The following SLC24A2 variants were observed in gnomAD, a reference collection of about 807,000 sequenced individuals.
SLC24A2 encodes solute carrier family 24 member 2, also known as sodium/potassium/calcium exchanger 2.
Under a neutral mutation model 62.0 loss-of-function variants are expected in SLC24A2, and 36 were observed. The ratio of observed to expected loss-of-function variants is 0.58; its 90% CI spans 0.44 to 0.77. SLC24A2 has a LOEUF of 0.77. SLC24A2 is among the 30% of genes least tolerant of loss of function. SLC24A2 has a pLI of 0.00. For synonymous variants in SLC24A2, 358 were observed against 294.0 expected (o/e 1.22, Z -2.23); for missense variants, 846 against 817.9 (o/e 1.03, Z -0.42).
chr9:20,066,911 T>G, the SLC24A2 span, among the ~76,000 whole-genome samples: 1 of 152,188 alleles, frequency 6.6e-6, no homozygotes, highest in South Asian at 2.1e-4. Context: ...TGGAGTGATC[T>G]AGGTCCCCAC....
chr9:19,857,786 G>A, the SLC24A2 span, among the ~76,000 whole-genome samples: 1 of 151,110 alleles, frequency 6.6e-6, no homozygotes, highest in East Asian at 1.9e-4. Context: ...CAGAATTTAG[G>A]ATTTTCTAAT....
At chr9:20,155,694 GC>G in the SLC24A2 span, among the ~76,000 whole-genome samples, 1 of 151,646 alleles carries the variant, frequency 6.6e-6, no homozygotes, top group Non-Finnish European at 1.5e-5. Context: ...GATATAAAGG[GC>G]ATAATTGAAG....
the SLC24A2 span, among the ~76,000 whole-genome samples, chr9:19,859,159 T>C: frequency 6.6e-6 from 1 of 152,182 alleles, no homozygotes; most frequent in African/African-American, 2.4e-5. Flanking sequence ...TGGAATACTA[T>C]GCAGCCATAT....
rs1349246252 is a variant in SLC24A2, at chr9:19,513,070, C to T, written c.*3083G>A. ...TTGACTTTGGCAAACTTGATGCTCCCTGCTTTAGAATCCTGAATGTGATAG... is the reference window on the plus strand; with the variant it reads ...TTGACTTTGGCAAACTTGATGCTCCTTGCTTTAGAATCCTGAATGTGATAG... On this transcript the variant is annotated 3_prime_UTR_variant, in exon 11 of 11. Transcript: ENST00000341998. The T allele has an allele frequency of 6.7e-6, 1 of 150,272 alleles. No individual in the cohort carries two copies. The highest frequency in any genetic ancestry group is 1.5e-5 in the Non-Finnish European group (1 of 67,850). 9.3% of individuals were successfully genotyped at this position (150,272 alleles called of 1,614,324 possible). A position where few individuals can be genotyped will look rare whatever the true frequency, so the allele number is the denominator to read the frequency against.
intron 4 of SLC24A2, among the ~76,000 whole-genome samples, chr9:19,605,628 A>C (rs1836962777): frequency 6.6e-6 from 1 of 152,204 alleles, no homozygotes; most frequent in Admixed American, 6.5e-5. Flanking sequence ...AGATAATTCA[A>C]GGTCTTATGA....
the SLC24A2 span, among the ~76,000 whole-genome samples, chr9:20,077,821 C>T: frequency 6.6e-6 from 1 of 152,130 alleles, no homozygotes; most frequent in Non-Finnish European, 1.5e-5. Flanking sequence ...TTGCTTATTT[C>T]TTCTCAGATA....
At chr9:19,696,808 T>C (rs1011116004) in intron 2 of SLC24A2, among the ~76,000 whole-genome samples, 2 of 152,174 alleles carry the variant, frequency 1.3e-5, no homozygotes, top group Non-Finnish European at 2.9e-5. Flanking sequence ...TTAAAATGTA[T>C]GGGCTTTCTT....
chr9:19,789,362 T>C (rs1823275842), upstream of SLC24A2, among the ~76,000 whole-genome samples: 1 of 152,224 alleles, frequency 6.6e-6, no homozygotes, highest in Non-Finnish European at 1.5e-5. Flanking sequence ...TCTCCAATTA[T>C]CTGCAAAAAG....
At chr9:19,885,557 T>C in the SLC24A2 span, among the ~76,000 whole-genome samples, 1 of 152,196 alleles carries the variant, frequency 6.6e-6, no homozygotes. Context: ...TTGTATGTGG[T>C]GTAGTGGTAA....
At chr9:19,660,164 C>T (rs886281554) in intron 2 of SLC24A2, among the ~76,000 whole-genome samples, 10 of 152,164 alleles carry the variant, frequency 6.6e-5, no homozygotes, top group African/African-American at 2.4e-4. Context: ...CTCTACATAT[C>T]CCAGTTCCTG....
the SLC24A2 span, among the ~76,000 whole-genome samples, chr9:19,811,848 T>A: frequency 1.3e-5 from 2 of 152,186 alleles, no homozygotes; most frequent in African/African-American, 2.4e-5. Flanking sequence ...ATTTCATTTT[T>A]AAAATCTTTT....
At chr9:19,721,653 C>T (rs1821028061) in intron 2 of SLC24A2, among the ~76,000 whole-genome samples, 2 of 152,080 alleles carry the variant, frequency 1.3e-5, no homozygotes, top group Non-Finnish European at 2.9e-5. Flanking sequence ...CATTTAATCT[C>T]CATCATTTCA....
At chr9:20,016,649 ATG>A in the SLC24A2 span, among the ~76,000 whole-genome samples, 1 of 152,228 alleles carries the variant, frequency 6.6e-6, no homozygotes, top group African/African-American at 2.4e-5. Context: ...TGAGCACTGA[ATG>A]TTTCTAAATC....
intron 8 of SLC24A2, among the ~76,000 whole-genome samples, chr9:19,549,269 A>G (rs777216904): frequency 6.6e-6 from 1 of 152,172 alleles, no homozygotes; most frequent in Non-Finnish European, 1.5e-5. Flanking sequence ...TCTCAGAGAC[A>G]AACGCTGTGG....
chr9:20,219,581 C>G, the SLC24A2 span, among the ~76,000 whole-genome samples: 1 of 152,134 alleles, frequency 6.6e-6, no homozygotes, highest in African/African-American at 2.4e-5. Flanking sequence ...ATAGTGCCTT[C>G]GTTGGTAGAT....
At chr9:20,009,127 G>T in the SLC24A2 span, among the ~76,000 whole-genome samples, 1 of 152,180 alleles carries the variant, frequency 6.6e-6, no homozygotes, top group Non-Finnish European at 1.5e-5. Context: ...GGAAAAGTGA[G>T]TTGGAGGTGG....
the SLC24A2 span, among the ~76,000 whole-genome samples, chr9:20,125,893 C>T: frequency 6.6e-6 from 1 of 152,148 alleles, no homozygotes; most frequent in Admixed American, 6.6e-5. Flanking sequence ...CTGTGCTCTC[C>T]CTCTTTCCAG....
chr9:19,792,097 AG>A (rs1234598366), upstream of SLC24A2, among the ~76,000 whole-genome samples: 1 of 152,192 alleles, frequency 6.6e-6, no homozygotes, highest in African/African-American at 2.4e-5. Context: ...GCTAGTTAAT[AG>A]TTTTGCTAAG....
intron 2 of SLC24A2, among the ~76,000 whole-genome samples, chr9:19,674,811 C>T (rs536402089): frequency 1.3e-5 from 2 of 152,210 alleles, no homozygotes; most frequent in South Asian, 4.1e-4. Context: ...TCTCTGCTGC[C>T]TCTTTGATTA....
Sources: gnomAD v4.1 joint callset for allele counts (sites outside exome capture counted in the v4.1 genomes callset) on GRCh38, gnomAD v4.1.1 for gene constraint, MANE v1.5 for transcripts, NCBI Gene and HGNC (gene_info 2026-07-23, HGNC 2026-07-21) for gene names.